Variants in KCNK10 observed in about 807,000 individuals in gnomAD.
KCNK10 encodes potassium two pore domain channel subfamily K member 10.
In KCNK10, 25 loss-of-function variants were observed where a neutral mutation model predicts 47.7. The ratio of observed to expected loss-of-function variants is 0.52; its 90% confidence interval spans 0.38 to 0.73. The LOEUF (loss-of-function observed/expected upper bound fraction) is 0.73, where lower values mean the gene tolerates loss of function less well. Ranked by LOEUF, KCNK10 falls within the 30% of genes least tolerant of loss-of-function variation. The probability of loss-of-function intolerance (pLI) is 0.00; values close to 1 mark genes in which losing one functional copy is unlikely to be tolerated. For missense variants in KCNK10, 563 were observed against 714.5 expected (o/e 0.79, Z 2.42); for synonymous variants, 303 against 285.6 (o/e 1.06, Z -0.61).
At chr14:88,266,296 A>G (rs867611203) in intron 1 of KCNK10, among the ~76,000 whole-genome samples, 1 of 152,194 alleles carries the variant, frequency 6.6e-6, no homozygotes, top group South Asian at 2.1e-4. Flanking sequence ...CAGGTCCTCA[A>G]ACACAGCAGT....
intron 4 of KCNK10, among the ~76,000 whole-genome samples, chr14:88,198,649 G>T (rs952418138): frequency 1.3e-5 from 2 of 152,092 alleles, no homozygotes; most frequent in Non-Finnish European, 2.9e-5. Flanking sequence ...TTCCGCCCCA[G>T]TGCTTTCCTT....
At chr14:88,241,913 C>T (rs1054166270) in intron 2 of KCNK10, among the ~76,000 whole-genome samples, 3 of 152,190 alleles carry the variant, frequency 2.0e-5, no homozygotes, top group African/African-American at 7.2e-5. Flanking sequence ...CTGGCCCCTG[C>T]CATCTTCTTT....
chr14:88,224,982 C>A (rs1034382870), intron 4 of KCNK10, among the ~76,000 whole-genome samples: 1 of 152,184 alleles, frequency 6.6e-6, no homozygotes, highest in African/African-American at 2.4e-5. Flanking sequence ...GAAAACATAA[C>A]AGATCAAGAG....
chr14:88,308,194 A>G (rs1178433213), intron 1 of KCNK10, among the ~76,000 whole-genome samples: 2 of 152,190 alleles, frequency 1.3e-5, no homozygotes, highest in Non-Finnish European at 2.9e-5. Flanking sequence ...AGCTTAAAAC[A>G]GTGCAGAAAC....
At chr14:88,323,410 G>C (rs1888595368), upstream of KCNK10, among the ~76,000 whole-genome samples, 1 of 146,938 alleles carries the variant, frequency 6.8e-6, no homozygotes, top group African/African-American at 2.5e-5. Flanking sequence ...CCCGGGCAGC[G>C]CGCGGCGAGG....
chr14:88,294,927 T>C (rs139454487), intron 1 of KCNK10, among the ~76,000 whole-genome samples: 2 of 152,340 alleles, frequency 1.3e-5, no homozygotes, highest in African/African-American at 4.8e-5. Context: ...CACTGTACAT[T>C]CATGAATATT....
At chr14:88,306,260 C>G (rs1023434339) in intron 1 of KCNK10, among the ~76,000 whole-genome samples, 1 of 152,150 alleles carries the variant, frequency 6.6e-6, no homozygotes, top group South Asian at 2.1e-4. Context: ...CTAAATTGTT[C>G]ATGTACTTTC....
Position 88,251,985 on chromosome 14 carries a change from C to T in KCNK10, c.403-11165G>A, listed in dbSNP as rs536427085. ...CCTCTCCTTTGCAACTTTCATCTGG[C>T]TTTTAGTTACAATTATTTGTGTAAT... On this transcript the variant is annotated intron_variant, in intron 2 of 6. Transcript: ENST00000319231. Among the ~76,000 whole-genome samples the T allele has an allele frequency of 5.3e-5, 8 of 152,312 alleles. No homozygotes were observed. The South Asian group carries it at 1.7e-3, about 32-fold the overall frequency.
chr14:88,219,393 G>A (rs1369080677), intron 4 of KCNK10, among the ~76,000 whole-genome samples: 2 of 152,368 alleles, frequency 1.3e-5, no homozygotes, highest in African/African-American at 4.8e-5. Context: ...TGAAGAGCCA[G>A]CAAGCAGCGC....
intron 4 of KCNK10, among the ~76,000 whole-genome samples, chr14:88,195,796 C>G (rs2139831796): frequency 6.6e-6 from 1 of 152,320 alleles, no homozygotes. Flanking sequence ...ATGTCAGGAA[C>G]CAGCTGCAGA....
Position 88,181,830 on chromosome 14 carries a change from G to A in KCNK10, c.*3705C>T, listed in dbSNP as rs1291502968. The A allele has an allele frequency of 6.6e-6, 1 of 152,150 alleles. No individual in the cohort carries two copies. The highest frequency in any genetic ancestry group is 1.5e-5 in the Non-Finnish European group (1 of 68,006). The allele number at this position is 152,150 out of a possible 1,614,324, so 9.4% of individuals were successfully genotyped here. A position where few individuals can be genotyped will look rare whatever the true frequency, so the allele number is the denominator to read the frequency against. Reference sequence around the variant, plus strand: ...TAAATTTTGTGAACTCATGGACTAGGGAGTGTTTCATTAGAGAACTGCACA... The same window carrying A: ...TAAATTTTGTGAACTCATGGACTAGAGAGTGTTTCATTAGAGAACTGCACA... On this transcript the variant is annotated 3_prime_UTR_variant, in exon 7 of 7. Coordinates refer to ENST00000319231, the MANE Select transcript of KCNK10 (RefSeq NM_138317.3).
intron 1 of KCNK10, among the ~76,000 whole-genome samples, chr14:88,297,338 G>T (rs889174527): frequency 6.6e-6 from 1 of 152,186 alleles, no homozygotes; most frequent in African/African-American, 2.4e-5. Context: ...GTTGCCACTA[G>T]GTTGGAGATC....
intron 1 of KCNK10, among the ~76,000 whole-genome samples, chr14:88,304,781 T>G (rs1055769297): frequency 6.6e-5 from 10 of 152,212 alleles, no homozygotes; most frequent in Admixed American, 6.5e-4. Context: ...TAGATAACTT[T>G]GTTCAGAAAT....
chr14:88,315,182 G>A (rs750913518), intron 1 of KCNK10, among the ~76,000 whole-genome samples: 4 of 152,234 alleles, frequency 2.6e-5, no homozygotes, highest in Middle Eastern at 3.4e-3. Context: ...TGTAGAGGCC[G>A]AAACAGATCT....
At chr14:88,287,957 C>A (rs937512339) in intron 1 of KCNK10, among the ~76,000 whole-genome samples, 1 of 152,140 alleles carries the variant, frequency 6.6e-6, no homozygotes, top group Admixed American at 6.5e-5. Context: ...GTATTCCCAG[C>A]AGCAGTGTAG....
Position 88,286,504 on chromosome 14 carries a change from C to G in KCNK10, c.53-22953G>C, listed in dbSNP as rs79448527. Among the ~76,000 whole-genome samples the G allele has an allele frequency of 4.4e-3, 677 of 152,222 alleles. 16 individuals carry two copies. The East Asian group carries it at 0.056, about 13-fold the overall frequency. ...ACACTGACTAATACACAAGTTAAAA[C>G]AAGATTCTGAAGTAACACTCTTGTT... On this transcript the variant is annotated intron_variant, in intron 1 of 6. Transcript: ENST00000319231.
At position 88,206,374 on chromosome 14, in the gene KCNK10, A is replaced by G. The variant is rs577439206; in HGVS notation, c.682-13964T>C. 2.0e-5 allele frequency among the ~76,000 whole-genome samples: 3 copies of G among 152,350 alleles called. No homozygotes were observed. In the East Asian group the frequency reaches 5.8e-4, roughly 29 times the overall value. On this transcript the variant is annotated intron_variant, in intron 4 of 6. Transcript: ENST00000319231. ...GCCACAAATCACAGAACCATCCCACATTTAGCATGAGCTTTGAATGTCCCA... is the reference window on the plus strand; with the variant it reads ...GCCACAAATCACAGAACCATCCCACGTTTAGCATGAGCTTTGAATGTCCCA...
chr14:88,185,514 C>T lies in KCNK10; in HGVS notation c.*21G>A. ...ACACACACACACACAACGCTCAGTC[C>T]AAGACCAATGTCCTTCACATTTAGT... On this transcript the variant is annotated 3_prime_UTR_variant, in exon 7 of 7. Coordinates refer to ENST00000319231, the MANE Select transcript of KCNK10 (RefSeq NM_138317.3). The surrounding 1 kb of genome is among the most constrained non-coding windows in gnomAD (Gnocchi z 4.3). 1 of 1,605,422 alleles carries T rather than the reference C, an allele frequency of 6.2e-7. No individual in the cohort carries two copies. Among genetic ancestry groups the T allele is most frequent in the Non-Finnish European group, 8.5e-7 (1 of 1,174,890 alleles).
Position 88,180,151 on chromosome 14 carries a change from T to C in KCNK10, c.*5384A>G, listed in dbSNP as rs1884292110. 6.6e-6 allele frequency: 1 copy of C among 151,522 alleles called. No individual in the cohort carries two copies. The highest frequency in any genetic ancestry group is 2.1e-4 in the South Asian group (1 of 4,814). The allele number at this position is 151,522 out of a possible 1,614,324, so 9.4% of individuals were successfully genotyped here. ...CTTTGTTGCAATTTTTCTCCATCAT[T>C]GAAAAAAAAATTACATCATCAAATA... On this transcript the variant is annotated 3_prime_UTR_variant, in exon 7 of 7. Coordinates refer to ENST00000319231, the MANE Select transcript of KCNK10 (RefSeq NM_138317.3).
Sources: allele counts gnomAD v4.1 joint callset (sites outside exome capture counted in the v4.1 genomes callset), GRCh38; gene constraint gnomAD v4.1.1; non-coding constraint Gnocchi (gnomAD v3.1); transcripts MANE v1.5; gene names NCBI Gene and HGNC (gene_info 2026-07-23, HGNC 2026-07-21).